SPOCK1: variants seen among roughly 807,000 people sequenced by gnomAD.
SPOCK1 encodes SPARC (osteonectin), cwcv and kazal like domains proteoglycan 1.
SPOCK1 carries 23 observed loss-of-function variants against 55.3 expected under a neutral mutation model. The ratio of observed to expected loss-of-function variants is 0.42; its 90% CI spans 0.30 to 0.59. The LOEUF (loss-of-function observed/expected upper bound fraction) is 0.59, where lower values mean the gene tolerates loss of function less well. Ranked by LOEUF, SPOCK1 falls within the 20% of genes least tolerant of loss-of-function variation. The pLI is 0.22. For missense variants in SPOCK1, 499 were observed against 552.5 expected (o/e 0.90, Z 0.97); for synonymous variants, 226 against 221.0 (o/e 1.02, Z -0.20).
intron 3 of SPOCK1, among the ~76,000 whole-genome samples, chr5:137,142,573 T>C (rs145210468): frequency 6.6e-4 from 101 of 152,348 alleles, no homozygotes; most frequent in African/African-American, 2.0e-3. Flanking sequence ...GATGTGACTC[T>C]GATACTTGGA....
chr5:137,112,666 A>G, intron 4 of SPOCK1, 105 bp from the exon 5 acceptor site: 4 of 1,426,514 alleles, frequency 2.8e-6, no homozygotes, highest in Non-Finnish European at 1.9e-6. Context: ...GGACTATCCA[A>G]CCAGGCCAAG....
chr5:137,358,263 C>T (rs1410230337), intron 2 of SPOCK1, among the ~76,000 whole-genome samples: 1 of 151,986 alleles, frequency 6.6e-6, no homozygotes, highest in African/African-American at 2.4e-5. Context: ...ACCTGCCAAG[C>T]ATCCCCAACA....
chr5:137,126,114 G>A (rs1274555000), intron 4 of SPOCK1, among the ~76,000 whole-genome samples: 2 of 152,126 alleles, frequency 1.3e-5, no homozygotes, highest in African/African-American at 4.8e-5. Flanking sequence ...TGGCTGGCTG[G>A]GTGCCATTCT....
At chr5:136,982,190 G>A (rs1750745466) in intron 9 of SPOCK1, among the ~76,000 whole-genome samples, 1 of 152,168 alleles carries the variant, frequency 6.6e-6, no homozygotes, top group Non-Finnish European at 1.5e-5. Flanking sequence ...AGCAAGGCAT[G>A]TCTATAGAGC....
chr5:137,316,867 CG>C (rs1757889732), intron 2 of SPOCK1, among the ~76,000 whole-genome samples: 1 of 152,190 alleles, frequency 6.6e-6, no homozygotes, highest in African/African-American at 2.4e-5. Context: ...AGCGTGGGCC[CG>C]CTCTGTGCCC....
chr5:137,167,560 T>C (rs1754672946), intron 3 of SPOCK1, among the ~76,000 whole-genome samples: 1 of 152,130 alleles, frequency 6.6e-6, no homozygotes, highest in East Asian at 1.9e-4. Flanking sequence ...ATGGACCTTT[T>C]TTGTTAGGTC....
chr5:137,154,338 T>A (rs1754373543), intron 3 of SPOCK1, among the ~76,000 whole-genome samples: 1 of 152,074 alleles, frequency 6.6e-6, no homozygotes, highest in Non-Finnish European at 1.5e-5. Flanking sequence ...CACTCTAGAT[T>A]AAGTGGTCAG....
At chr5:137,199,688 A>C (rs1755377516) in intron 3 of SPOCK1, among the ~76,000 whole-genome samples, 1 of 152,074 alleles carries the variant, frequency 6.6e-6, no homozygotes, top group African/African-American at 2.4e-5. Flanking sequence ...CCAACTTCAG[A>C]ATGTCAGAGA....
chr5:137,227,134 C>T (rs1755961861), intron 3 of SPOCK1, among the ~76,000 whole-genome samples: 2 of 152,176 alleles, frequency 1.3e-5, no homozygotes, highest in Non-Finnish European at 2.9e-5. Flanking sequence ...TGCAGGGAAT[C>T]AGAAGACCCT....
At chr5:137,235,284 G>A (rs1282005190) in intron 3 of SPOCK1, among the ~76,000 whole-genome samples, 3 of 152,230 alleles carry the variant, frequency 2.0e-5, no homozygotes, top group South Asian at 2.1e-4. Flanking sequence ...CAGAGGGAGT[G>A]TGTCACCTAG....
At chr5:137,356,826 T>TAGAG (rs1750819003) in intron 2 of SPOCK1, among the ~76,000 whole-genome samples, 1 of 19,338 alleles carries the variant, frequency 5.2e-5, no homozygotes, top group Non-Finnish European at 9.3e-5. Context: ...TATATATATA[T>TAGAG]ATATATATAT....
At chr5:137,317,677 G>C (rs892425354) in intron 2 of SPOCK1, among the ~76,000 whole-genome samples, 18 of 152,166 alleles carry the variant, frequency 1.2e-4, no homozygotes, top group African/African-American at 4.3e-4. Context: ...CAAGTCAACA[G>C]GTTGAAGAAA....
intron 4 of SPOCK1, among the ~76,000 whole-genome samples, chr5:137,127,140 A>T (rs1465950708): frequency 6.6e-6 from 1 of 152,214 alleles, no homozygotes; most frequent in Non-Finnish European, 1.5e-5. Flanking sequence ...GCTATTCAAG[A>T]CAATGGTGAG....
intron 3 of SPOCK1, among the ~76,000 whole-genome samples, chr5:137,232,312 T>C (rs1594903): frequency 7.2e-5 from 11 of 152,200 alleles, no homozygotes; most frequent in Non-Finnish European, 8.8e-5. Flanking sequence ...AAAAGTTGTA[T>C]AGTTTTAAAT....
At chr5:137,205,409 G>A (rs1755501170) in intron 3 of SPOCK1, among the ~76,000 whole-genome samples, 1 of 152,126 alleles carries the variant, frequency 6.6e-6, no homozygotes, top group Admixed American at 6.5e-5. Context: ...GTTCAAGCAG[G>A]GACAAGTCAA....
At chr5:137,015,440 ACT>A (rs1242201386) in intron 6 of SPOCK1, among the ~76,000 whole-genome samples, 2 of 152,152 alleles carry the variant, frequency 1.3e-5, no homozygotes, top group Admixed American at 6.5e-5. Context: ...ACAGAGCAAG[ACT>A]CTGTCTCAGA....
intron 3 of SPOCK1, among the ~76,000 whole-genome samples, chr5:137,260,544 T>C (rs1370955210): frequency 6.6e-6 from 1 of 152,194 alleles, no homozygotes; most frequent in Non-Finnish European, 1.5e-5. Flanking sequence ...ATTAATGATA[T>C]GGTCACCTTT....
Position 137,208,515 on chromosome 5 carries a change from A to G in SPOCK1, c.232+58495T>C, listed in dbSNP as rs1245232337. Among the ~76,000 whole-genome samples, 3 of 152,242 alleles carry G rather than the reference A, an allele frequency of 2.0e-5. No homozygotes were observed. In the East Asian group the frequency reaches 5.8e-4, roughly 29 times the overall value. On this transcript the variant is annotated intron_variant, in intron 3 of 10. Coordinates refer to ENST00000394945, the MANE Select transcript of SPOCK1 (RefSeq NM_004598.4). Reference sequence around the variant, plus strand: ...ATGTGGTACATATACACCATGAAATACTATGCAGCTCTTAAAAAGAATGAA... The same window carrying G: ...ATGTGGTACATATACACCATGAAATGCTATGCAGCTCTTAAAAAGAATGAA...
intron 2 of SPOCK1, among the ~76,000 whole-genome samples, chr5:137,361,778 GA>G (rs551165286): frequency 6.6e-5 from 10 of 152,158 alleles, no homozygotes; most frequent in East Asian, 1.9e-4. Context: ...AAATTACTGA[GA>G]AAAAAACTTG....
Sources: gnomAD v4.1 joint callset for allele counts (sites outside exome capture counted in the v4.1 genomes callset) on GRCh38, gnomAD v4.1.1 for gene constraint, MANE v1.5 for transcripts, NCBI Gene and HGNC (gene_info 2026-07-23, HGNC 2026-07-21) for gene names.